The following ROS1 variants were observed in gnomAD, a reference collection of about 807,000 sequenced individuals.
The protein encoded by ROS1 is ROS proto-oncogene 1, receptor tyrosine kinase.
A neutral mutation model predicts 273.5 loss-of-function variants in ROS1; 263 were observed. That is an observed-to-expected ratio of 0.96 (90% CI 0.87 to 1.06). The LOEUF (loss-of-function observed/expected upper bound fraction) is 1.06. Among genes scored for constraint, ROS1 ranks in the 50% least tolerant of loss-of-function variants. ROS1 has a pLI of 0.00. For synonymous variants in ROS1, 1,008 were observed against 954.1 expected (o/e 1.06, Z -1.04); for missense variants, 2,833 against 2,751.1 (o/e 1.03, Z -0.67).
chr6:117,337,456 G>C, intron 31 of ROS1, 116 bp from the exon 32 acceptor site: 1 of 749,218 alleles, frequency 1.3e-6, no homozygotes, highest in Non-Finnish European at 2.1e-6. Flanking sequence ...TTCTATTAAA[G>C]AATAAGAACT....
At chr6:117,327,551 C>T (rs543320854) in intron 33 of ROS1, among the ~76,000 whole-genome samples, 4 of 152,204 alleles carry the variant, frequency 2.6e-5, no homozygotes, top group African/African-American at 7.2e-5. Context: ...CTTTACATAA[C>T]GTTGTTTTAA....
intron 12 of ROS1, among the ~76,000 whole-genome samples, chr6:117,391,710 G>A (rs541812535): frequency 6.6e-6 from 1 of 152,266 alleles, no homozygotes; most frequent in Admixed American, 6.5e-5. Flanking sequence ...GACAGGCCCT[G>A]GAGCTAGAAG....
intron 18 of ROS1, among the ~76,000 whole-genome samples, chr6:117,376,367 T>A (rs1237565323): frequency 1.3e-5 from 2 of 152,102 alleles, no homozygotes; most frequent in Non-Finnish European, 2.9e-5. Flanking sequence ...ATCAAATAAT[T>A]TTCCACAAAG....
chr6:117,423,337 A>G (rs1775898197), intron 1 of ROS1, among the ~76,000 whole-genome samples: 1 of 152,202 alleles, frequency 6.6e-6, no homozygotes. Context: ...GTTGCTAAAG[A>G]TGGGAAAATT....
intron 6 of ROS1, 144 bp downstream of exon 6, chr6:117,404,136 G>GT: frequency 6.9e-6 from 5 of 729,420 alleles, no homozygotes; most frequent in East Asian, 5.7e-5. Flanking sequence ...CAGGAGAATG[G>GT]TGTGAACCCA....
intron 43 of ROS1, among the ~76,000 whole-genome samples, chr6:117,295,055 T>C (rs942676545): frequency 5.3e-5 from 8 of 152,176 alleles, no homozygotes; most frequent in Non-Finnish European, 7.4e-5. Flanking sequence ...TGGATTCAAA[T>C]TATACTACAG....
At chr6:117,409,682 A>T (rs111804702) in intron 4 of ROS1, 40 bp from the exon 5 acceptor site, 1 of 1,545,706 alleles carries the variant, frequency 6.5e-7, no homozygotes, top group East Asian at 2.2e-5. Context: ...GGCAGCCTTG[A>T]TACTGGTTTT....
At chr6:117,350,772 C>A (rs1369613581) in intron 27 of ROS1, among the ~76,000 whole-genome samples, 5 of 150,766 alleles carry the variant, frequency 3.3e-5, no homozygotes, top group African/African-American at 9.8e-5. Flanking sequence ...TCAGCCACAT[C>A]CAGTCTACTA....
intron 32 of ROS1, among the ~76,000 whole-genome samples, chr6:117,336,194 A>T (rs373119136): frequency 1.3e-5 from 2 of 152,130 alleles, no homozygotes; most frequent in East Asian, 1.9e-4. Context: ...TCTGGGGTAC[A>T]TGTGCAGGAC....
chr6:117,354,226 A>G (rs1471514078), intron 26 of ROS1, among the ~76,000 whole-genome samples: 1 of 151,984 alleles, frequency 6.6e-6, no homozygotes, highest in Non-Finnish European at 1.5e-5. Flanking sequence ...GGTAGTGTGC[A>G]CCTGTAGTCC....
intron 4 of ROS1, among the ~76,000 whole-genome samples, chr6:117,412,485 T>A (rs2128739570): frequency 6.6e-6 from 1 of 152,206 alleles, no homozygotes; most frequent in Admixed American, 6.5e-5. Flanking sequence ...TTCCAAGAAA[T>A]AAGAATTGCA....
At position 117,326,217 on chromosome 6, in the gene ROS1, A is replaced by T. The variant is rs373173501; in HGVS notation, c.5539+7T>A. Reference sequence around the variant, plus strand: ...AAGCTAGTGTGTAGACAGACATGGTAACATACCTCCAACTAATATAATATT... The same window carrying T: ...AAGCTAGTGTGTAGACAGACATGGTTACATACCTCCAACTAATATAATATT... On this transcript the variant is annotated splice_region_variant and intron_variant, in intron 34 of 43. Coordinates refer to ENST00000368507, the MANE Select transcript of ROS1 (RefSeq NM_001378902.1). The T allele has an allele frequency of 4.4e-6, 7 of 1,573,316 alleles. No homozygotes were observed. Among genetic ancestry groups the T allele is most frequent in the African/African-American group, 4.1e-5 (3 of 72,804 alleles).
Position 117,301,097 on chromosome 6 carries a change from G to T in ROS1, c.6592C>A (p.Gln2198Lys), listed in dbSNP as rs771313001. ...TGAATTCTATGAAAAGTAGGTCTTT[G>T]GTCGGGTTCTTGAGCCCAGCACTGG... The part of the protein sequence containing the change: ...MTQCWAQEPD[Q>K]RPTFHRIQDQ... Residue 2198 changes from glutamine to lysine, a missense_variant, in exon 43 of 44, where the codon CAA becomes AAA. Gln to Lys is a moderately conservative substitution (Grantham distance 53, BLOSUM62 1). Transcript: ENST00000368507. 6.2e-7 allele frequency: 1 copy of T among 1,600,636 alleles called. No individual in the cohort carries two copies. The highest frequency in any genetic ancestry group is 1.1e-5 in the South Asian group (1 of 87,044).
chr6:117,350,989 T>G (rs1211486073), intron 27 of ROS1, among the ~76,000 whole-genome samples: 1 of 152,238 alleles, frequency 6.6e-6, no homozygotes, highest in Non-Finnish European at 1.5e-5. Context: ...ATTTAAATGA[T>G]TGTGATAGTT....
chr6:117,363,921 G>A (rs1780003768), intron 21 of ROS1, among the ~76,000 whole-genome samples: 1 of 152,154 alleles, frequency 6.6e-6, no homozygotes, highest in Non-Finnish European at 1.5e-5. Context: ...CTGGCATACA[G>A]TAAGTGGTTA....
intron 13 of ROS1, among the ~76,000 whole-genome samples, chr6:117,388,662 A>G (rs777278388): frequency 1.3e-5 from 2 of 152,156 alleles, no homozygotes; most frequent in Non-Finnish European, 2.9e-5. Flanking sequence ...GCTGACAGGG[A>G]CCATCTGACC....
intron 26 of ROS1, among the ~76,000 whole-genome samples, chr6:117,354,441 T>C (rs1419722910): frequency 2.0e-5 from 3 of 152,102 alleles, no homozygotes; most frequent in African/African-American, 7.2e-5. Context: ...AAATTATTCT[T>C]TGTAAATTTA....
In ROS1 at chr6:117,339,460, T is replaced by C. The variant is rs79946128; in HGVS notation, c.5061+1675A>G. Among the ~76,000 whole-genome samples, 1,504 of 152,300 alleles carry C rather than the reference T, an allele frequency of 9.9e-3. 21 individuals are homozygous for C. The highest frequency in any genetic ancestry group is 0.034 in the African/African-American group (1,403 of 41,566). On this transcript the variant is annotated intron_variant, in intron 31 of 43. Transcript: ENST00000368507. Reference sequence around the variant, plus strand: ...TTACTAATTAAAGAGACAAATATTCTCTTTTATTGCCCACTCCTCAGAGTT... The same window carrying C: ...TTACTAATTAAAGAGACAAATATTCCCTTTTATTGCCCACTCCTCAGAGTT...
At position 117,356,861 on chromosome 6, in the gene ROS1, A is replaced by G. The variant is rs148950746; in HGVS notation, c.3894T>C (p.Ser1298=). ...SNFGYQMFYY[S]IISHTLHRIL... ...TTCGGTGCAAGGTGTGACTGATAAT[A>G]CTGTAGTAGAACATCTGGTAGCCAA... Residue 1298 remains serine (S), a synonymous_variant, in exon 26 of 44, where the codon AGT becomes AGC. Transcript: ENST00000368507. 670 of 1,614,148 alleles carry G rather than the reference A, an allele frequency of 4.2e-4. 2 individuals carry two copies. In the African/African-American group the frequency reaches 8.1e-3, roughly 20 times the overall value.
Sources: allele counts gnomAD v4.1 joint callset (sites outside exome capture counted in the v4.1 genomes callset), GRCh38; gene constraint gnomAD v4.1.1; transcripts MANE v1.5; gene names NCBI Gene and HGNC (gene_info 2026-07-23, HGNC 2026-07-21).